CDIN1: variants seen among roughly 807,000 people sequenced by gnomAD.
CDIN1 encodes the protein CDAN1-interacting nuclease 1.
In CDIN1, 33 loss-of-function variants were observed where a neutral mutation model predicts 45.3. The ratio of observed to expected loss-of-function variants is 0.73; its 90% CI spans 0.55 to 0.97. The LOEUF is 0.97. Among genes scored for constraint, CDIN1 ranks in the 50% least tolerant of loss-of-function variants. CDIN1 has a pLI of 0.00. For synonymous variants in CDIN1, 118 were observed against 124.4 expected (o/e 0.95, Z 0.34); for missense variants, 303 against 339.4 (o/e 0.89, Z 0.84).
chr15:36,641,891 A>C (rs1295169515), intron 1 of CDIN1: 2 of 152,248 alleles, frequency 1.3e-5, no homozygotes, highest in African/African-American at 4.8e-5. Context: ...GTGATGTTTA[A>C]GGTAGACCTT....
chr15:36,684,393 A>G (rs1209031413), intron 5 of CDIN1, among the ~76,000 whole-genome samples: 1 of 152,078 alleles, frequency 6.6e-6, no homozygotes, highest in Non-Finnish European at 1.5e-5. Flanking sequence ...ATTTGCATAT[A>G]TTGAACCAGC....
At chr15:36,755,149 C>T (rs1003505117) in intron 10 of CDIN1, among the ~76,000 whole-genome samples, 8 of 152,098 alleles carry the variant, frequency 5.3e-5, no homozygotes, top group Non-Finnish European at 1.2e-4. Flanking sequence ...TTTGAAATTG[C>T]AGAAGTATTT....
chr15:36,723,273 A>T (rs1156826314), intron 10 of CDIN1, among the ~76,000 whole-genome samples: 1 of 152,166 alleles, frequency 6.6e-6, no homozygotes, highest in South Asian at 2.1e-4. Flanking sequence ...CCAAGTGATC[A>T]TAAGTTAAAA....
At chr15:36,774,858 TG>T (rs1309361049) in intron 10 of CDIN1, among the ~76,000 whole-genome samples, 9 of 152,136 alleles carry the variant, frequency 5.9e-5, no homozygotes. Context: ...CTGTAGCAAG[TG>T]GGGGTTAAAC....
intron 3 of CDIN1, among the ~76,000 whole-genome samples, chr15:36,645,969 C>CT (rs34921965): frequency 0.95 from 145,105 of 152,168 alleles, 69,190 homozygotes; most frequent in East Asian, 1. Flanking sequence ...TAAAATAGCT[C>CT]TGTTTTTTTA....
intron 10 of CDIN1, among the ~76,000 whole-genome samples, chr15:36,787,960 T>G (rs1355208656): frequency 2.7e-5 from 4 of 150,236 alleles, no homozygotes; most frequent in Non-Finnish European, 4.4e-5. Context: ...TACTTTTTAA[T>G]AGAAATTGTA....
chr15:36,584,324 A>G (rs1439682027), intron 1 of CDIN1, among the ~76,000 whole-genome samples: 1 of 152,160 alleles, frequency 6.6e-6, no homozygotes, highest in Non-Finnish European at 1.5e-5. Flanking sequence ...AGTTCCAGCA[A>G]CTCAGGATGC....
At chr15:36,711,708 G>A (rs1333895382) in intron 10 of CDIN1, among the ~76,000 whole-genome samples, 1 of 152,142 alleles carries the variant, frequency 6.6e-6, no homozygotes, top group African/African-American at 2.4e-5. Context: ...TGTGTGATAC[G>A]GGAATGTTAG....
intron 1 of CDIN1, among the ~76,000 whole-genome samples, chr15:36,609,224 C>A (rs946112167): frequency 2.0e-5 from 3 of 152,080 alleles, no homozygotes; most frequent in African/African-American, 7.2e-5. Flanking sequence ...CTTTGTTATC[C>A]AGGCTGGTCA....
chr15:36,784,668 C>A (rs1478001221), intron 10 of CDIN1, among the ~76,000 whole-genome samples: 1 of 152,164 alleles, frequency 6.6e-6, no homozygotes, highest in East Asian at 1.9e-4. Context: ...TTAGTTGGAT[C>A]TCATATTAAA....
chr15:36,669,346 G>A (rs889734567), intron 5 of CDIN1, among the ~76,000 whole-genome samples: 1 of 152,080 alleles, frequency 6.6e-6, no homozygotes, highest in African/African-American at 2.4e-5. Context: ...GATGTTTTTA[G>A]TGGTAATGAA....
At chr15:36,795,947 A>G (rs561870952) in intron 10 of CDIN1, among the ~76,000 whole-genome samples, 2 of 152,266 alleles carry the variant, frequency 1.3e-5, no homozygotes, top group Non-Finnish European at 2.9e-5. Context: ...ATCTTATCTA[A>G]TTATAAATTT....
chr15:36,746,592 TTCAAAA>T (rs1281728690), intron 10 of CDIN1, among the ~76,000 whole-genome samples: 3 of 151,118 alleles, frequency 2.0e-5, no homozygotes, highest in African/African-American at 7.3e-5. Flanking sequence ...CTTCATCTAT[TTCAAAA>T]ACAAAAACAA....
In CDIN1 at chr15:36,644,265, T is replaced by C. The variant is rs1306625066; in HGVS notation, c.102-13T>C. The C allele has an allele frequency of 6.2e-7, 1 of 1,613,288 alleles. No individual in the cohort carries two copies. Among genetic ancestry groups the C allele is most frequent in the Admixed American group, 1.7e-5 (1 of 59,918 alleles). Reference sequence around the variant, plus strand: ...TCCAGTAATTAACTTTGTCCTTCTTTTATTTGTTCCAGTCAATCGCAGGCC... The same window carrying C: ...TCCAGTAATTAACTTTGTCCTTCTTCTATTTGTTCCAGTCAATCGCAGGCC... On this transcript the variant is annotated splice_polypyrimidine_tract_variant and intron_variant, in intron 1 of 10. Transcript: ENST00000566621.
chr15:36,803,769 T>C (rs956700409), intron 10 of CDIN1, among the ~76,000 whole-genome samples: 1 of 152,210 alleles, frequency 6.6e-6, no homozygotes, highest in African/African-American at 2.4e-5. Context: ...GAACCTTGAC[T>C]GTTCATTTCT....
chr15:36,800,879 ATGTGTGTGTGTGTGTGTGTG>A (rs1163549097), intron 10 of CDIN1, among the ~76,000 whole-genome samples: 4 of 82,528 alleles, frequency 4.8e-5, no homozygotes, highest in African/African-American at 1.2e-4. Flanking sequence ...GTGTGTATAT[ATGTGTGTGTGTGTGTGTGTG>A]TGTGTGTGTG....
At chr15:36,715,136 A>G (rs1211889255) in intron 10 of CDIN1, among the ~76,000 whole-genome samples, 1 of 152,200 alleles carries the variant, frequency 6.6e-6, no homozygotes, top group Non-Finnish European at 1.5e-5. Context: ...GATGAGCACC[A>G]GAGGAAATAT....
chr15:36,651,190 T>C (rs1203739765), intron 3 of CDIN1, among the ~76,000 whole-genome samples: 1 of 152,182 alleles, frequency 6.6e-6, no homozygotes, highest in Non-Finnish European at 1.5e-5. Flanking sequence ...CTTAATGTAG[T>C]ATTGAGAATG....
At chr15:36,580,764 ATGTT>A (rs1394347782) in intron 1 of CDIN1, among the ~76,000 whole-genome samples, 1 of 152,214 alleles carries the variant, frequency 6.6e-6, no homozygotes, top group African/African-American at 2.4e-5. Flanking sequence ...AAAGCAGAGA[ATGTT>A]TGTTTACTTT....
Sources: gnomAD v4.1 joint callset for allele counts (sites outside exome capture counted in the v4.1 genomes callset) on GRCh38, gnomAD v4.1.1 for gene constraint, MANE v1.5 for transcripts, NCBI Gene and HGNC (gene_info 2026-07-23, HGNC 2026-07-21) for gene names.